Variants in PTPRD observed in about 807,000 individuals in gnomAD.
PTPRD encodes the protein protein tyrosine phosphatase receptor type D, also known as receptor-type tyrosine-protein phosphatase delta.
Under a neutral mutation model 214.5 loss-of-function variants are expected in PTPRD, and 34 were observed. The ratio of observed to expected loss-of-function variants is 0.16; its 90% confidence interval spans 0.12 to 0.21. The LOEUF (loss-of-function observed/expected upper bound fraction) is 0.21. Among genes scored for constraint, PTPRD ranks in the 10% least tolerant of loss-of-function variants. The pLI is 1.00. For missense variants in PTPRD, 2,545 were observed against 2,398.7 expected (o/e 1.06, Z -1.27); for synonymous variants, 1,128 against 845.7 (o/e 1.33, Z -5.79).
In PTPRD at chr9:10,459,742, T is replaced by G. The variant is rs111789021; in HGVS notation, c.-599-118725A>C. Among the ~76,000 whole-genome samples the G allele has an allele frequency of 9.7e-3, 1,472 of 152,162 alleles. 20 individuals carry two copies. The highest frequency in any genetic ancestry group is 0.028 in the African/African-American group (1,152 of 41,550). ...CTGTTCACACCCTTTGCCCACTTTT[T>G]GATGGGATTGTTTTTTCTTGTAAAT... On this transcript the variant is annotated intron_variant, in intron 2 of 45. Coordinates refer to ENST00000381196, the MANE Select transcript of PTPRD (RefSeq NM_002839.4).
chr9:8,933,954 A>T (rs10739176), intron 11 of PTPRD, among the ~76,000 whole-genome samples: 1 of 151,782 alleles, frequency 6.6e-6, no homozygotes, highest in African/African-American at 2.4e-5. Context: ...ATATTTCCCA[A>T]CCCCAGAATA....
chr9:10,438,053 A>G (rs1438209092), intron 2 of PTPRD, among the ~76,000 whole-genome samples: 1 of 146,944 alleles, frequency 6.8e-6, no homozygotes, highest in Non-Finnish European at 1.5e-5. Context: ...TTCCTATAAT[A>G]TAAAAGACAA....
intron 3 of PTPRD, among the ~76,000 whole-genome samples, chr9:10,277,967 G>C (rs2094820783): frequency 6.6e-6 from 1 of 152,034 alleles, no homozygotes; most frequent in South Asian, 2.1e-4. Flanking sequence ...GACCATCGTG[G>C]CTAACGAGGG....
intron 9 of PTPRD, among the ~76,000 whole-genome samples, chr9:9,240,966 G>T (rs10118203): frequency 1.3e-5 from 2 of 151,818 alleles, no homozygotes; most frequent in African/African-American, 4.8e-5. Flanking sequence ...TTCATAGAAA[G>T]GATAGAAAGA....
intron 14 of PTPRD, among the ~76,000 whole-genome samples, chr9:8,621,475 G>C (rs899161826): frequency 4.7e-4 from 72 of 151,958 alleles, no homozygotes; most frequent in African/African-American, 1.5e-3. Flanking sequence ...TCAAACCCCA[G>C]TCGTACTGGG....
chr9:9,232,698 G>A (rs542507912), intron 9 of PTPRD, among the ~76,000 whole-genome samples: 1 of 151,986 alleles, frequency 6.6e-6, no homozygotes, highest in Non-Finnish European at 1.5e-5. Flanking sequence ...AATCTAATTA[G>A]ATCAATCTGC....
intron 8 of PTPRD, among the ~76,000 whole-genome samples, chr9:9,566,988 C>T (rs960117908): frequency 6.6e-6 from 1 of 151,930 alleles, no homozygotes; most frequent in African/African-American, 2.4e-5. Flanking sequence ...ACCAATTTTA[C>T]CCTCAAAGTG....
chr9:8,717,558 T>A (rs114538898), intron 12 of PTPRD, among the ~76,000 whole-genome samples: 362 of 152,310 alleles, frequency 2.4e-3, no homozygotes, highest in African/African-American at 8.3e-3. Context: ...AAAATTCAAG[T>A]CAGGCCACAA....
intron 12 of PTPRD, among the ~76,000 whole-genome samples, chr9:8,651,984 C>G (rs1300858414): frequency 6.6e-6 from 1 of 152,112 alleles, no homozygotes. Context: ...ATTTCAGTGC[C>G]GATTATGCAC....
chr9:9,460,236 A>T (rs2093515236), intron 8 of PTPRD, among the ~76,000 whole-genome samples: 1 of 152,192 alleles, frequency 6.6e-6, no homozygotes, highest in Non-Finnish European at 1.5e-5. Flanking sequence ...ACCATTAAAA[A>T]TCCTAGAATA....
intron 2 of PTPRD, among the ~76,000 whole-genome samples, chr9:10,494,839 C>G (rs2041544671): frequency 6.6e-6 from 1 of 150,828 alleles, no homozygotes; most frequent in African/African-American, 2.4e-5. Flanking sequence ...AATTTTATTC[C>G]TAAAAATTCT....
chr9:9,215,630 T>C (rs2099951661), intron 9 of PTPRD, among the ~76,000 whole-genome samples: 1 of 151,626 alleles, frequency 6.6e-6, no homozygotes, highest in Admixed American at 6.6e-5. Context: ...TGAGGTGGAG[T>C]TGGGACGAAG....
At chr9:8,385,203 T>C (rs769071425) in intron 37 of PTPRD, among the ~76,000 whole-genome samples, 5 of 152,156 alleles carry the variant, frequency 3.3e-5, no homozygotes, top group Non-Finnish European at 7.3e-5. Context: ...CAAGCGCTGT[T>C]GATAAACCTC....
chr9:8,408,970 G>A lies in PTPRD; in HGVS notation c.4087-4310C>T, dbSNP rs562650523. Among the ~76,000 whole-genome samples, 4 of 152,282 alleles carry A rather than the reference G, an allele frequency of 2.6e-5. No individual in the cohort carries two copies. The South Asian group carries it at 8.3e-4, about 32-fold the overall frequency. Reference sequence around the variant, plus strand: ...TATTTAGTCTTTAACTTGATGGTCTGAAAGTTCTAATCCTTTTTATTTGAT... The same window carrying A: ...TATTTAGTCTTTAACTTGATGGTCTAAAAGTTCTAATCCTTTTTATTTGAT... On this transcript the variant is annotated intron_variant, in intron 35 of 45. Transcript: ENST00000381196.
At chr9:10,134,378 G>C (rs938229760) in intron 3 of PTPRD, among the ~76,000 whole-genome samples, 1 of 152,110 alleles carries the variant, frequency 6.6e-6, no homozygotes, top group South Asian at 2.1e-4. Flanking sequence ...CTTAATAAGG[G>C]GTTCATCTAT....
rs911890911 is a variant in PTPRD at position 10,104,277 on chromosome 9, A to C, written c.-544-70487T>G. Among the ~76,000 whole-genome samples the C allele has an allele frequency of 4.6e-5, 7 of 151,780 alleles. No individual in the cohort carries two copies. The East Asian group carries it at 1.4e-3, about 29-fold the overall frequency. ...GTTGCACAAGAATGTGAATGTACTT[A>C]ATGCCACGGAACTGTATAGTTACAA... On this transcript the variant is annotated intron_variant, in intron 3 of 45. Transcript: ENST00000381196.
At chr9:10,400,837 G>A (rs1424556309) in intron 2 of PTPRD, among the ~76,000 whole-genome samples, 1 of 151,436 alleles carries the variant, frequency 6.6e-6, no homozygotes, top group African/African-American at 2.4e-5. Context: ...AGCTAAAAGT[G>A]CATTCAGTGT....
At chr9:9,270,526 C>G (rs982836015) in intron 9 of PTPRD, among the ~76,000 whole-genome samples, 7 of 151,238 alleles carry the variant, frequency 4.6e-5, no homozygotes, top group African/African-American at 1.7e-4. Context: ...GGAAGGCTGA[C>G]GTGGCTGAGT....
intron 12 of PTPRD, among the ~76,000 whole-genome samples, chr9:8,654,700 G>C (rs1374669151): frequency 6.6e-6 from 1 of 151,918 alleles, no homozygotes; most frequent in Non-Finnish European, 1.5e-5. Flanking sequence ...TTATAATAAA[G>C]AAAAATTACC....
Sources: gnomAD v4.1 joint callset for allele counts (sites outside exome capture counted in the v4.1 genomes callset) on GRCh38, gnomAD v4.1.1 for gene constraint, MANE v1.5 for transcripts, NCBI Gene and HGNC (gene_info 2026-07-23, HGNC 2026-07-21) for gene names.